Variants in CFAP70 observed in about 807,000 individuals in gnomAD.
The protein encoded by CFAP70 is cilia- and flagella-associated protein 70.
In CFAP70, 81 loss-of-function variants were observed where a neutral mutation model predicts 137.6. That is an observed-to-expected ratio of 0.59 (90% CI 0.49 to 0.71). The LOEUF (loss-of-function observed/expected upper bound fraction) is 0.71. CFAP70 is among the 30% of genes least tolerant of loss of function. The probability of loss-of-function intolerance (pLI) is 0.00; values close to 1 mark genes in which losing one functional copy is unlikely to be tolerated. For synonymous variants in CFAP70, 382 were observed against 423.6 expected (o/e 0.90, Z 1.20); for missense variants, 976 against 1,226.7 (o/e 0.80, Z 3.05).
At chr10:73,269,014 T>C (rs571745700) in intron 25 of CFAP70, among the ~76,000 whole-genome samples, 78 of 152,136 alleles carry the variant, frequency 5.1e-4, no homozygotes, top group Non-Finnish European at 9.9e-4. Context: ...AAAATGTTGA[T>C]ATTTGGGATA....
At chr10:73,336,867 C>T (rs1056966880) in intron 6 of CFAP70, among the ~76,000 whole-genome samples, 4 of 152,168 alleles carry the variant, frequency 2.6e-5, no homozygotes, top group East Asian at 3.9e-4. Context: ...TGAGCCACCG[C>T]GCCCGGCCGC....
intron 19 of CFAP70, among the ~76,000 whole-genome samples, chr10:73,286,085 C>T (rs1374463343): frequency 6.6e-6 from 1 of 152,064 alleles, no homozygotes; most frequent in Non-Finnish European, 1.5e-5. Context: ...GTTGAGATAC[C>T]AAAGAGCTAC....
chr10:73,312,503 A>T lies in CFAP70; in HGVS notation c.1053T>A (p.Asp351Glu), dbSNP rs2049999673. ...CCCCAGGCCTAGGCCTTCCATCTAT[A>T]TCCTTTTCTTTCACTGGTTTATCTT... Residue 351 changes from aspartate to glutamate, a missense_variant, in exon 10 of 27, where the codon GAT becomes GAA. Physicochemically the swap from Asp to Glu is conservative, Grantham distance 45. Transcript: ENST00000310715. The T allele has an allele frequency of 6.2e-6, 10 of 1,611,448 alleles. No homozygotes were observed. The South Asian group carries it at 1.1e-4, about 18-fold the overall frequency.
At chr10:73,278,421 C>A in intron 19 of CFAP70, 84 bp from the exon 21 acceptor site, 1 of 1,048,728 alleles carries the variant, frequency 9.5e-7, no homozygotes. Context: ...TTTTGCAAAG[C>A]ATAAGAAACA....
chr10:73,358,937 C>T (rs2054890157), upstream of CFAP70: 2 of 152,318 alleles, frequency 1.3e-5, no homozygotes, highest in African/African-American at 2.4e-5. Flanking sequence ...TTTACCTTGC[C>T]AAGAGTTGGG....
At chr10:73,299,721 T>G in intron 12 of CFAP70, 56 bp from the exon 14 acceptor site, 1 of 1,400,810 alleles carries the variant, frequency 7.1e-7, no homozygotes, top group Non-Finnish European at 9.8e-7. Context: ...TATCTACAGA[T>G]GTATATTTTC....
intron 25 of CFAP70, among the ~76,000 whole-genome samples, chr10:73,265,748 G>A (rs2045692616): frequency 6.6e-6 from 1 of 152,074 alleles, no homozygotes; most frequent in African/African-American, 2.4e-5. Context: ...ATTTCTGTCT[G>A]CCAATTGTTT....
intron 10 of CFAP70, 86 bp downstream of exon 11, chr10:73,312,387 A>G: frequency 9.9e-7 from 1 of 1,007,780 alleles, no homozygotes; most frequent in Non-Finnish European, 1.5e-6. Context: ...GCAAACTAAC[A>G]TTGATACCAG....
chr10:73,256,902 CAAAAAAAAAAAA>C (rs55805225), intron 25 of CFAP70, among the ~76,000 whole-genome samples: 11 of 58,324 alleles, frequency 1.9e-4, no homozygotes, highest in African/African-American at 3.6e-4. Context: ...GACTCCATCT[CAAAAAAAAAAAA>C]AAAAAAAAAA....
chr10:73,274,563 A>C, exon 23 of CFAP70: 1 of 1,614,118 alleles, frequency 6.2e-7, no homozygotes, highest in Non-Finnish European at 8.5e-7. Flanking sequence ...CAGAAAATAG[A>C]GATGGCCCTT....
chr10:73,260,921 C>A lies in CFAP70; in HGVS notation c.3028-4505G>T, dbSNP rs2045103940. 2.0e-5 allele frequency among the ~76,000 whole-genome samples: 3 copies of A among 152,054 alleles called. 1 individual carries two copies. In the South Asian group the frequency reaches 6.2e-4, roughly 32 times the overall value. ...AAATGCTGTGATAAAAGTTCATATA[C>A]AAATTTTTGTGTGGACATATGTCTT... is the stretch of plus-strand genomic sequence containing the variant. On this transcript the variant is annotated intron_variant, in intron 25 of 26. Transcript: ENST00000310715.
At chr10:73,307,488 T>A (rs1180614684) in intron 12 of CFAP70, among the ~76,000 whole-genome samples, 9 of 152,102 alleles carry the variant, frequency 5.9e-5, no homozygotes, top group Non-Finnish European at 1.3e-4. Context: ...CCTTTAGATG[T>A]AAGGACAGGA....
intron 25 of CFAP70, among the ~76,000 whole-genome samples, chr10:73,262,044 T>C (rs2045294200): frequency 6.9e-6 from 1 of 144,274 alleles, no homozygotes; most frequent in Non-Finnish European, 1.5e-5. Context: ...TATATGTATA[T>C]ATTATATATT....
At chr10:73,256,776 G>A (rs1589226884) in intron 25 of CFAP70, among the ~76,000 whole-genome samples, 2 of 151,572 alleles carry the variant, frequency 1.3e-5, no homozygotes, top group South Asian at 4.2e-4. Flanking sequence ...GGTGGCATGC[G>A]CCTGTAGTCC....
intron 4 of CFAP70, chr10:73,345,192 G>A: frequency 6.2e-7 from 1 of 1,614,154 alleles, no homozygotes; most frequent in South Asian, 1.1e-5. Context: ...TGAGATCTGG[G>A]CTGTGGTCAG....
exon 3 of CFAP70, chr10:73,353,684 A>G (rs2054449902): frequency 6.2e-7 from 1 of 1,614,052 alleles, no homozygotes; most frequent in Non-Finnish European, 8.5e-7. Flanking sequence ...GTCTCCCAGA[A>G]CCACTTGATT....
At chr10:73,281,538 CA>C (rs1463221171) in intron 19 of CFAP70, among the ~76,000 whole-genome samples, 1 of 151,930 alleles carries the variant, frequency 6.6e-6, no homozygotes, top group Non-Finnish European at 1.5e-5. Context: ...TGCTGGCTGT[CA>C]GGGGTGTGGG....
chr10:73,301,967 C>A (rs933571819), intron 12 of CFAP70, among the ~76,000 whole-genome samples: 4 of 151,854 alleles, frequency 2.6e-5, no homozygotes, highest in Admixed American at 2.0e-4. Context: ...TGAATAATAT[C>A]TCGAAAAAGC....
At chr10:73,267,726 T>C (rs1163215935) in intron 25 of CFAP70, among the ~76,000 whole-genome samples, 1 of 152,242 alleles carries the variant, frequency 6.6e-6, no homozygotes, top group Non-Finnish European at 1.5e-5. Flanking sequence ...GCTTAGGGTC[T>C]CACAAGGCCA....
Sources: gnomAD v4.1 joint callset for allele counts (sites outside exome capture counted in the v4.1 genomes callset) on GRCh38, gnomAD v4.1.1 for gene constraint, MANE v1.5 for transcripts, NCBI Gene and HGNC (gene_info 2026-07-23, HGNC 2026-07-21) for gene names.